CCNY: variants seen among roughly 807,000 people sequenced by gnomAD.
CCNY encodes cyclin-Y.
In CCNY, 19 loss-of-function variants were observed where a neutral mutation model predicts 42.8. The observed-to-expected ratio is 0.44, with a 90% CI of 0.31 to 0.65. CCNY has a LOEUF of 0.65. Among genes scored for constraint, CCNY ranks in the 30% least tolerant of loss-of-function variants. The pLI is 0.07. For missense variants in CCNY, 370 were observed against 437.3 expected (o/e 0.85, Z 1.37); for synonymous variants, 165 against 162.7 (o/e 1.01, Z -0.11).
chr10:35,322,802 T>A (rs1835835841), intron 3 of CCNY, among the ~76,000 whole-genome samples: 1 of 152,152 alleles, frequency 6.6e-6, no homozygotes, highest in Admixed American at 6.5e-5. Context: ...TACGTATCCA[T>A]TAGGATGGTG....
upstream of CCNY, among the ~76,000 whole-genome samples, chr10:35,333,910 C>A (rs1049745470): frequency 2.0e-5 from 3 of 152,016 alleles, no homozygotes; most frequent in Admixed American, 6.6e-5. Flanking sequence ...CCAGGTAAAT[C>A]ACTAGCGAGG....
chr10:35,440,842 A>G (rs564453023), intron 1 of CCNY, among the ~76,000 whole-genome samples: 1 of 152,284 alleles, frequency 6.6e-6, no homozygotes, highest in African/African-American at 2.4e-5. Context: ...CAAGAGAGGT[A>G]GTCTTAACTC....
chr10:35,297,928 A>G (rs1377099074), intron 3 of CCNY, among the ~76,000 whole-genome samples: 2 of 152,128 alleles, frequency 1.3e-5, no homozygotes, highest in Non-Finnish European at 2.9e-5. Context: ...AAAGCAACTT[A>G]CATATTTAAC....
intron 3 of CCNY, among the ~76,000 whole-genome samples, chr10:35,300,128 C>T (rs1835516011): frequency 6.6e-6 from 1 of 152,208 alleles, no homozygotes. Context: ...TTTGCTTGGC[C>T]TCGCAGAGTT....
intron 1 of CCNY, among the ~76,000 whole-genome samples, chr10:35,365,170 A>G (rs1836782808): frequency 6.6e-6 from 1 of 152,202 alleles, no homozygotes; most frequent in Non-Finnish European, 1.5e-5. Flanking sequence ...ATGGAGTTAT[A>G]CATGAGATAG....
At chr10:35,543,671 T>G (rs955159500) in intron 7 of CCNY, among the ~76,000 whole-genome samples, 22 of 151,986 alleles carry the variant, frequency 1.4e-4, no homozygotes, top group Non-Finnish European at 3.1e-4. Flanking sequence ...TACTTTTTAT[T>G]CTTAACTTTA....
chr10:35,450,308 GA>G (rs1471377936), intron 1 of CCNY, among the ~76,000 whole-genome samples: 2 of 152,098 alleles, frequency 1.3e-5, no homozygotes, highest in African/African-American at 4.8e-5. Flanking sequence ...GACTTACAGG[GA>G]GAGGGTGGAG....
At chr10:35,309,959 C>T (rs1406983759) in intron 3 of CCNY, among the ~76,000 whole-genome samples, 1 of 152,100 alleles carries the variant, frequency 6.6e-6, no homozygotes, top group African/African-American at 2.4e-5. Flanking sequence ...CGCCACCATG[C>T]CCAGCTAATT....
intron 3 of CCNY, among the ~76,000 whole-genome samples, chr10:35,326,799 G>C (rs1472149593): frequency 6.6e-6 from 1 of 152,186 alleles, no homozygotes; most frequent in Non-Finnish European, 1.5e-5. Flanking sequence ...TTAGGTGGGA[G>C]GATCGCTGGA....
At chr10:35,395,379 T>G (rs116501337) in intron 1 of CCNY, among the ~76,000 whole-genome samples, 3,503 of 152,238 alleles carry the variant, frequency 0.023, 130 homozygotes, top group African/African-American at 0.079. Flanking sequence ...AAGTGCAGCA[T>G]GGGCCACTGG....
chr10:35,408,644 AG>A (rs1325236708), intron 1 of CCNY, among the ~76,000 whole-genome samples: 3 of 152,174 alleles, frequency 2.0e-5, no homozygotes, highest in African/African-American at 7.2e-5. Flanking sequence ...TCATCAGTTA[AG>A]GCTCTTTTCA....
intron 1 of CCNY, among the ~76,000 whole-genome samples, chr10:35,412,502 G>T (rs1205609395): frequency 6.6e-6 from 1 of 152,034 alleles, no homozygotes; most frequent in African/African-American, 2.4e-5. Context: ...AGGGAAGTAT[G>T]AGGTCAGTGT....
intron 9 of CCNY, among the ~76,000 whole-genome samples, chr10:35,567,257 G>T (rs770287005): frequency 1.3e-5 from 2 of 152,310 alleles, no homozygotes; most frequent in East Asian, 3.9e-4. Flanking sequence ...CAGCACCACT[G>T]GTCTTGGTCT....
chr10:35,303,777 C>CAAAAAAAAA (rs755443366), intron 3 of CCNY, among the ~76,000 whole-genome samples: 1 of 48,520 alleles, frequency 2.1e-5, no homozygotes, highest in African/African-American at 6.4e-5. Flanking sequence ...AACTCCGTCT[C>CAAAAAAAAA]AAAAAAAAAA....
At chr10:35,568,921 G>T in intron 9 of CCNY, 133 bp from the exon 10 acceptor site, 1 of 663,724 alleles carries the variant, frequency 1.5e-6, no homozygotes, top group East Asian at 2.5e-5. Context: ...CAGAGAGCTG[G>T]GCTCTGGGCC....
chr10:35,436,581 C>T lies in CCNY; in HGVS notation c.155-46823C>T, dbSNP rs943832697. ...GGATCTCTGACTTGTGGCAGAGCTT[C>T]GTGGAAGGACACTGGAGGCACAGCA... On this transcript the variant is annotated intron_variant, in intron 1 of 9. Transcript: ENST00000374704. Among the ~76,000 whole-genome samples, 7 of 152,118 alleles carry T rather than the reference C, an allele frequency of 4.6e-5. 1 individual carries two copies. Among genetic ancestry groups the T allele is most frequent in the Admixed American group, 3.9e-4 (6 of 15,268 alleles).
chr10:35,519,459 G>A (rs1286867509), intron 4 of CCNY, among the ~76,000 whole-genome samples: 2 of 152,184 alleles, frequency 1.3e-5, no homozygotes, highest in South Asian at 2.1e-4. Context: ...ATTGAATCTG[G>A]CTGAGGCATA....
intron 1 of CCNY, among the ~76,000 whole-genome samples, chr10:35,475,111 A>AT (rs1244623171): frequency 1.3e-5 from 2 of 152,224 alleles, no homozygotes; most frequent in Non-Finnish European, 2.9e-5. Context: ...AGAAAGGAGC[A>AT]AAGCCTCCAA....
rs1021939620 is a variant in CCNY at position 35,562,333 on chromosome 10, G to T, written c.747-3690G>T. Among the ~76,000 whole-genome samples, 5 of 152,300 alleles carry T rather than the reference G, an allele frequency of 3.3e-5. No individual in the cohort carries two copies. In the East Asian group the frequency reaches 9.7e-4, roughly 29 times the overall value. ...AAAATGTATGTAGCATGAAATTTAT[G>T]ATTGTAGCCATTTTTAAGTATACAT... On this transcript the variant is annotated intron_variant, in intron 8 of 9. Transcript: ENST00000374704.
Sources: gnomAD v4.1 joint callset for allele counts (sites outside exome capture counted in the v4.1 genomes callset) on GRCh38, gnomAD v4.1.1 for gene constraint, MANE v1.5 for transcripts, NCBI Gene and HGNC (gene_info 2026-07-23, HGNC 2026-07-21) for gene names.